The following NUP214 variants were observed in gnomAD, a reference collection of about 807,000 sequenced individuals.
NUP214 encodes the protein nuclear pore complex protein Nup214.
In NUP214, 79 loss-of-function variants were observed where a neutral mutation model predicts 196.2. The observed-to-expected ratio is 0.40, with a 90% CI of 0.34 to 0.49. The LOEUF (loss-of-function observed/expected upper bound fraction) is 0.49, where lower values mean the gene tolerates loss of function less well. Among genes scored for constraint, NUP214 ranks in the 20% least tolerant of loss-of-function variants. The pLI, the probability that NUP214 is intolerant of heterozygous loss-of-function variation, is 0.58. For missense variants in NUP214, 2,468 were observed against 2,539.0 expected, an observed-to-expected ratio of 0.97 and a Z score of 0.60; for synonymous variants, 1,020 against 990.5, an observed-to-expected ratio of 1.03 and a Z score of -0.56.
Position 131,220,513 on chromosome 9 carries a change from T to C in NUP214, c.5750-2265T>C, listed in dbSNP as rs371237004. 2.0e-5 allele frequency among the ~76,000 whole-genome samples: 3 copies of C among 152,226 alleles called. No homozygotes were observed. The East Asian group carries it at 5.8e-4, about 29-fold the overall frequency. On this transcript the variant is annotated intron_variant, in intron 31 of 35. Transcript: ENST00000359428. Reference sequence around the variant, plus strand: ...TTTAAAAATGAAAAGGATTTGATTATCTCCTGCTGACCTGCTCAGTGTCTT... The same window carrying C: ...TTTAAAAATGAAAAGGATTTGATTACCTCCTGCTGACCTGCTCAGTGTCTT...
At chr9:131,226,708 G>A (rs891643383) in intron 32 of NUP214, among the ~76,000 whole-genome samples, 3 of 151,910 alleles carry the variant, frequency 2.0e-5, no homozygotes, top group Non-Finnish European at 2.9e-5. Context: ...TTTAACATGC[G>A]GAATGTTAAC....
rs77415518 is a variant in NUP214, at chr9:131,175,908, A to T, written c.3319+287A>T. The T allele has an allele frequency of 2.9e-5, 10 of 346,326 alleles. No individual in the cohort carries two copies. In the East Asian group the frequency reaches 5.2e-4, roughly 18 times the overall value. 21.5% of individuals were successfully genotyped at this position (346,326 alleles called of 1,614,324 possible). Reference sequence around the variant, plus strand: ...AACAAAATTGCTAATCCTACTTTTGAATAATGTCTGCTTAGAGCCCTAAAA... The same window carrying T: ...AACAAAATTGCTAATCCTACTTTTGTATAATGTCTGCTTAGAGCCCTAAAA... On this transcript the variant is annotated intron_variant, in intron 23 of 35. Transcript: ENST00000359428.
rs898314473 is a variant in NUP214 at position 131,232,503 on chromosome 9, G to T, written c.6239+195G>T. On this transcript the variant is annotated intron_variant, in intron 35 of 35. Coordinates refer to ENST00000359428, the MANE Select transcript of NUP214 (RefSeq NM_005085.4). This position sits in a 1 kb window ranked among gnomAD's most constrained non-coding sequence, Gnocchi z 5.1. Reference sequence around the variant, plus strand: ...CTTCTCTGTAGCAATATGGCAGGAGGTGCCAGGCCTCGCCTTCTTAAGAGG... The same window carrying T: ...CTTCTCTGTAGCAATATGGCAGGAGTTGCCAGGCCTCGCCTTCTTAAGAGG... The T allele has an allele frequency of 4.6e-6, 3 of 653,288 alleles. No homozygotes were observed. In the African/African-American group the frequency reaches 5.4e-5, roughly 12 times the overall value. The allele number at this position is 653,288 out of a possible 1,614,324, so 40.5% of individuals were successfully genotyped here.
rs370558550 is a variant in NUP214 at position 131,150,603 on chromosome 9, G to A, written c.2128-13G>A. 4.5e-5 allele frequency: 73 copies of A among 1,609,500 alleles called. No homozygotes were observed. Among genetic ancestry groups the A allele is most frequent in the Non-Finnish European group, 6.0e-5 (71 of 1,178,416 alleles). ...CTTCAGACTGAGTAGTTCCTCACTT[G>A]TGGCTTCTACAGATTGCACACTTTC... is the stretch of plus-strand genomic sequence containing the variant. On this transcript the variant is annotated splice_polypyrimidine_tract_variant and intron_variant, in intron 15 of 35. Coordinates refer to ENST00000359428, the MANE Select transcript of NUP214 (RefSeq NM_005085.4).
At chr9:131,189,247 C>T (rs928589098) in intron 26 of NUP214, 116 bp downstream of exon 26, 4 of 827,880 alleles carry the variant, frequency 4.8e-6, no homozygotes, top group Admixed American at 1.8e-5. Flanking sequence ...TTGATGAGAT[C>T]GGGAGCATTC....
intron 31 of NUP214, among the ~76,000 whole-genome samples, chr9:131,219,096 A>C (rs1588175300): frequency 6.6e-6 from 1 of 152,128 alleles, no homozygotes; most frequent in South Asian, 2.1e-4. Flanking sequence ...GCAGAAGGAA[A>C]CCAGCCTTTA....
At chr9:131,145,083 A>G (rs1156306614) in intron 12 of NUP214, among the ~76,000 whole-genome samples, 1 of 152,132 alleles carries the variant, frequency 6.6e-6, no homozygotes, top group Non-Finnish European at 1.5e-5. Context: ...CTGGAAGGGA[A>G]ATGAATCCCT....
intron 32 of NUP214, 95 bp from the exon 33 acceptor site, chr9:131,228,065 T>G (rs1416578206): frequency 9.6e-6 from 12 of 1,248,104 alleles, no homozygotes; most frequent in Non-Finnish European, 1.3e-5. Flanking sequence ...TTTTTCTTCC[T>G]ATTTTGATTT....
chr9:131,129,186 A>T (rs920974386), intron 3 of NUP214, 93 bp from the exon 4 acceptor site: 1 of 1,021,418 alleles, frequency 9.8e-7, no homozygotes, highest in East Asian at 2.5e-5. Context: ...GATTTGAGAT[A>T]CCTTGTGTAT....
At chr9:131,227,141 T>C (rs1834745952) in intron 32 of NUP214, among the ~76,000 whole-genome samples, 1 of 152,266 alleles carries the variant, frequency 6.6e-6, no homozygotes, top group East Asian at 1.9e-4. Flanking sequence ...TTTAGAATGA[T>C]TTCAGCAGTA....
intron 17 of NUP214, among the ~76,000 whole-genome samples, chr9:131,154,515 C>T (rs1211476637): frequency 2.0e-5 from 3 of 152,116 alleles, no homozygotes; most frequent in East Asian, 1.9e-4. Context: ...AGTGCAGTGG[C>T]GTGATCTTGG....
At chr9:131,208,586 A>G (rs1834148355) in intron 30 of NUP214, among the ~76,000 whole-genome samples, 1 of 152,106 alleles carries the variant, frequency 6.6e-6, no homozygotes, top group East Asian at 1.9e-4. Flanking sequence ...AGTCCCAGCT[A>G]CTCGGGAGGC....
intron 18 of NUP214, among the ~76,000 whole-genome samples, chr9:131,161,630 CAA>C (rs1832637291): frequency 6.6e-6 from 1 of 152,098 alleles, no homozygotes; most frequent in Admixed American, 6.5e-5. Flanking sequence ...GCCCTGAACT[CAA>C]AGAGGTAATG....
chr9:131,189,136 G>T lies in NUP214; in HGVS notation c.3574+5G>T. 5.0e-6 allele frequency: 8 copies of T among 1,613,430 alleles called. No homozygotes were observed. The highest frequency in any genetic ancestry group is 6.8e-6 in the Non-Finnish European group (8 of 1,179,468). On this transcript the variant is annotated splice_donor_5th_base_variant and intron_variant, in intron 26 of 35. Transcript: ENST00000359428. ...CATCTGGTGACAAAGCTTCAGGTCA[G>T]TTTGCATTTTTGTTTTCTTGAAAAG...
intron 30 of NUP214, among the ~76,000 whole-genome samples, chr9:131,209,234 T>G (rs1459472332): frequency 6.6e-6 from 1 of 151,962 alleles, no homozygotes; most frequent in African/African-American, 2.4e-5. Flanking sequence ...ACAAGTTGGC[T>G]GGGCGTGGCA....
At chr9:131,153,375 G>C (rs912402796) in intron 17 of NUP214, 1 of 151,932 alleles carries the variant, frequency 6.6e-6, no homozygotes, top group Non-Finnish European at 1.5e-5. Flanking sequence ...AAGAAAAATG[G>C]TTCCTTCTTC....
chr9:131,197,395 A>G lies in NUP214; in HGVS notation c.3901A>G (p.Thr1301Ala), dbSNP rs1161043813. 6.2e-7 allele frequency: 1 copy of G among 1,614,030 alleles called. No homozygotes were observed. The highest frequency in any genetic ancestry group is 1.7e-5 in the Admixed American group (1 of 59,994). Residue 1301 changes from threonine to alanine, a missense_variant, in exon 29 of 36, where the codon ACT becomes GCT. Physicochemically the swap from Thr to Ala is moderately conservative, Grantham distance 58. This residue lies in a region of NUP214 where 1,801 missense variants were observed against 1,779.4 expected (regional missense o/e 1.01). Coordinates refer to ENST00000359428, the MANE Select transcript of NUP214 (RefSeq NM_005085.4). ...CAGCAGACCTGTGGCACCTTCTGGA[A>G]CTGCTCTTTCCACCACCTCTAGTAA... is the stretch of plus-strand genomic sequence containing the variant. ...SSSRPVAPSG[T>A]ALSTTSSKLE...
intron 30 of NUP214, among the ~76,000 whole-genome samples, chr9:131,203,440 G>A (rs1204460076): frequency 6.6e-6 from 1 of 152,194 alleles, no homozygotes; most frequent in Non-Finnish European, 1.5e-5. Context: ...TATGAAGAAA[G>A]ATACCCTAAT....
intron 7 of NUP214, among the ~76,000 whole-genome samples, chr9:131,134,025 C>CA (rs1395195971): frequency 6.6e-6 from 1 of 152,216 alleles, no homozygotes; most frequent in Admixed American, 6.5e-5. Flanking sequence ...CAGCTCACTA[C>CA]AGCCTCAAAT....
Sources: allele counts gnomAD v4.1 joint callset (sites outside exome capture counted in the v4.1 genomes callset), GRCh38; gene constraint gnomAD v4.1.1; regional missense constraint gnomAD v4.1.1; non-coding constraint Gnocchi (gnomAD v3.1); transcripts MANE v1.5; gene names NCBI Gene and HGNC (gene_info 2026-07-23, HGNC 2026-07-21).